Variants in PRPSAP1 observed in about 807,000 individuals in gnomAD.
The protein encoded by PRPSAP1 is phosphoribosyl pyrophosphate synthetase associated protein 1.
Under a neutral mutation model 39.4 loss-of-function variants are expected in PRPSAP1, and 31 were observed. The ratio of observed to expected loss-of-function variants is 0.79; its 90% CI spans 0.59 to 1.06. PRPSAP1 has a LOEUF of 1.06. Among genes scored for constraint, PRPSAP1 ranks in the 50% least tolerant of loss-of-function variants. PRPSAP1 has a pLI of 0.00. For synonymous variants in PRPSAP1, 212 were observed against 192.6 expected (o/e 1.10, Z -0.83); for missense variants, 430 against 511.6 (o/e 0.84, Z 1.54).
At chr17:76,346,099 G>C in intron 2 of PRPSAP1, 1 of 307,578 alleles carries the variant, frequency 3.3e-6, no homozygotes, top group South Asian at 3.3e-5. Flanking sequence ...AGATGCTGAG[G>C]GAAGCGTGTG....
At chr17:76,346,528 C>G (rs2071502654) in intron 2 of PRPSAP1, among the ~76,000 whole-genome samples, 1 of 152,202 alleles carries the variant, frequency 6.6e-6, no homozygotes, top group Admixed American at 6.6e-5. Context: ...ACCAGTGTGG[C>G]AGGCAATCTG....
intron 3 of PRPSAP1, chr17:76,337,416 T>C (rs2071390578): frequency 8.7e-6 from 1 of 115,350 alleles, no homozygotes; most frequent in African/African-American, 3.5e-5. Flanking sequence ...AAGTGTTCCA[T>C]ATTGGAAAAC....
At chr17:76,334,639 CAAAA>C (rs1249729884) in intron 3 of PRPSAP1, among the ~76,000 whole-genome samples, 1 of 151,900 alleles carries the variant, frequency 6.6e-6, no homozygotes, top group Non-Finnish European at 1.5e-5. Context: ...AAAACAAAAA[CAAAA>C]ACAAAAAATG....
intron 1 of PRPSAP1, among the ~76,000 whole-genome samples, chr17:76,349,583 A>C (rs553802909): frequency 1.6e-4 from 25 of 152,052 alleles, no homozygotes; most frequent in African/African-American, 6.0e-4. Flanking sequence ...TAATATAATA[A>C]AACCCCATCT....
rs2071049160 is a variant in PRPSAP1, at chr17:76,309,707, T to A, written c.*1835A>T. The A allele has an allele frequency of 6.6e-6, 1 of 152,220 alleles. No individual in the cohort carries two copies. The highest frequency in any genetic ancestry group is 1.5e-5 in the Non-Finnish European group (1 of 68,048). The allele number at this position is 152,220 out of a possible 1,614,324, so 9.4% of individuals were successfully genotyped here. A position where few individuals can be genotyped will look rare whatever the true frequency, so the allele number is the denominator to read the frequency against. On this transcript the variant is annotated 3_prime_UTR_variant, in exon 10 of 10. Coordinates refer to ENST00000446526, the MANE Select transcript of PRPSAP1 (RefSeq NM_002766.3). ...TCTACACAGGATATTGCAGTAGGTATTACAAGTCATCCAGGATGTGCATAG... is the reference window on the plus strand; with the variant it reads ...TCTACACAGGATATTGCAGTAGGTAATACAAGTCATCCAGGATGTGCATAG...
chr17:76,347,564 G>A (rs1314349201), intron 2 of PRPSAP1, among the ~76,000 whole-genome samples: 1 of 151,144 alleles, frequency 6.6e-6, no homozygotes, highest in East Asian at 1.9e-4. Context: ...AGGGAGCCAA[G>A]GGGCCAGGAC....
chr17:76,339,153 T>C (rs1379767769), intron 3 of PRPSAP1, among the ~76,000 whole-genome samples: 8 of 151,040 alleles, frequency 5.3e-5, no homozygotes, highest in African/African-American at 1.9e-4. Flanking sequence ...GTCTATAATC[T>C]CAGCACTTTG....
chr17:76,346,435 C>G (rs991037022), intron 2 of PRPSAP1, among the ~76,000 whole-genome samples: 1 of 152,178 alleles, frequency 6.6e-6, no homozygotes, highest in Non-Finnish European at 1.5e-5. Context: ...TCTATGTCCT[C>G]TTCTCCCTTT....
At chr17:76,311,902 C>T (rs888030062) in intron 9 of PRPSAP1, among the ~76,000 whole-genome samples, 1 of 152,048 alleles carries the variant, frequency 6.6e-6, no homozygotes, top group Non-Finnish European at 1.5e-5. Context: ...GAACACAAGA[C>T]AAAAATCTTA....
chr17:76,351,376 G>A (rs2071568930), intron 1 of PRPSAP1, among the ~76,000 whole-genome samples: 1 of 152,140 alleles, frequency 6.6e-6, no homozygotes. Flanking sequence ...TTAGCTGTGC[G>A]AGGTGGCGGG....
chr17:76,347,224 T>G (rs553277413), intron 2 of PRPSAP1, among the ~76,000 whole-genome samples: 3 of 151,398 alleles, frequency 2.0e-5, no homozygotes, highest in Non-Finnish European at 4.4e-5. Context: ...CGGTGGCTCA[T>G]GCCTGTAATC....
intron 7 of PRPSAP1, among the ~76,000 whole-genome samples, chr17:76,325,131 C>T (rs540675343): frequency 8.2e-5 from 11 of 134,948 alleles, no homozygotes; most frequent in Admixed American, 3.1e-4. Context: ...AACCTGGGTC[C>T]GGGCACAGTG....
intron 2 of PRPSAP1, among the ~76,000 whole-genome samples, chr17:76,347,269 C>T (rs1451396662): frequency 2.0e-5 from 3 of 151,558 alleles, no homozygotes; most frequent in Non-Finnish European, 4.4e-5. Flanking sequence ...GGTGGATCAC[C>T]TGAGGTCAGG....
rs922122346 is a variant in PRPSAP1, at chr17:76,339,442, C to G, written c.290+5229G>C. Among the ~76,000 whole-genome samples, 3 of 151,742 alleles carry G rather than the reference C, an allele frequency of 2.0e-5. No homozygotes were observed. The South Asian group carries it at 6.2e-4, about 31-fold the overall frequency. On this transcript the variant is annotated intron_variant, in intron 3 of 9. Coordinates refer to ENST00000446526, the MANE Select transcript of PRPSAP1 (RefSeq NM_002766.3). ...AAAAGAACCAGTTTATTGTGACAAA[C>G]CTAATAACCTTCTTTATGGGCTGCA...
At chr17:76,320,331 G>C (rs1288024555) in intron 7 of PRPSAP1, among the ~76,000 whole-genome samples, 1 of 89,486 alleles carries the variant, frequency 1.1e-5, no homozygotes, top group South Asian at 3.3e-4. Context: ...GAAGAAGGGA[G>C]GGAGGGAGGG....
In PRPSAP1 at chr17:76,314,340, C is replaced by T. The variant is rs796269473; in HGVS notation, c.782-449G>A. The T allele has an allele frequency of 4.5e-5, 9 of 199,878 alleles. No homozygotes were observed. In the South Asian group the frequency reaches 6.9e-4, roughly 15 times the overall value. 12.4% of individuals were successfully genotyped at this position (199,878 alleles called of 1,614,324 possible). ...GTTCAAGCAATTCTGCCTCAGCCTC[C>T]CGAGTAGCTGGGATTATAGGCATGC... On this transcript the variant is annotated intron_variant, in intron 7 of 9. Coordinates refer to ENST00000446526, the MANE Select transcript of PRPSAP1 (RefSeq NM_002766.3).
In PRPSAP1 at chr17:76,313,837, C is replaced by A. The variant is rs756361339; in HGVS notation, c.836G>T (p.Arg279Leu). 2.5e-6 allele frequency: 4 copies of A among 1,614,108 alleles called. No homozygotes were observed. The highest frequency in any genetic ancestry group is 2.5e-6 in the Non-Finnish European group (3 of 1,179,988). Residue 279 changes from arginine to leucine, a missense_variant, in exon 8 of 10, where the codon CGC (arginine) becomes CTC (leucine). Coordinates refer to ENST00000446526, the MANE Select transcript of PRPSAP1 (RefSeq NM_002766.3). ...TAACCATACCACGATGATTGCGATGCGGCCTCCAACATCTCCAACTACAGT... is the reference window on the plus strand; with the variant it reads ...TAACCATACCACGATGATTGCGATGAGGCCTCCAACATCTCCAACTACAGT... ...PITVVGDVGG[R>L]IAIIVDDIID...
chr17:76,324,889 A>C (rs1252615075), intron 7 of PRPSAP1, among the ~76,000 whole-genome samples: 1 of 137,904 alleles, frequency 7.3e-6, no homozygotes, highest in Admixed American at 7.2e-5. Flanking sequence ...GTGAAACCCC[A>C]TCTCTACTAA....
At chr17:76,342,553 T>A (rs1400542257) in intron 3 of PRPSAP1, among the ~76,000 whole-genome samples, 1 of 150,386 alleles carries the variant, frequency 6.6e-6, no homozygotes, top group Non-Finnish European at 1.5e-5. Context: ...TCATCTCTAC[T>A]AAAAATACAA....
Sources: allele counts gnomAD v4.1 joint callset (sites outside exome capture counted in the v4.1 genomes callset), GRCh38; gene constraint gnomAD v4.1.1; transcripts MANE v1.5; gene names NCBI Gene and HGNC (gene_info 2026-07-23, HGNC 2026-07-21).